Variants in RNLS observed in about 807,000 individuals in gnomAD.
The protein encoded by RNLS is renalase.
A neutral mutation model predicts 39.8 loss-of-function variants in RNLS; 39 were observed. That is an observed-to-expected ratio of 0.98 (90% CI 0.76 to 1.28). RNLS has a LOEUF of 1.28. Ranked by LOEUF, RNLS falls within the 50% of genes most tolerant of loss-of-function variation. RNLS has a pLI of 0.00. For synonymous variants in RNLS, 147 were observed against 150.7 expected, an observed-to-expected ratio of 0.98 and a Z score of 0.18; for missense variants, 410 against 413.3, an observed-to-expected ratio of 0.99 and a Z score of 0.07.
At chr10:88,434,027 T>G (rs1273401870) in intron 4 of RNLS, among the ~76,000 whole-genome samples, 1 of 152,144 alleles carries the variant, frequency 6.6e-6, no homozygotes. Flanking sequence ...TTGAATAGAT[T>G]CTTTAGTAAG....
chr10:88,381,844 T>TC (rs906797121), intron 4 of RNLS, among the ~76,000 whole-genome samples: 12 of 151,934 alleles, frequency 7.9e-5, no homozygotes, highest in African/African-American at 2.9e-4. Flanking sequence ...TTTTTTTATA[T>TC]CCCCCCAGCT....
downstream of RNLS, among the ~76,000 whole-genome samples, chr10:88,269,108 A>G (rs974125536): frequency 2.0e-5 from 3 of 152,252 alleles, no homozygotes; most frequent in African/African-American, 4.8e-5. Flanking sequence ...GTGAAACTCA[A>G]AGAGACATAT....
intron 4 of RNLS, among the ~76,000 whole-genome samples, chr10:88,554,669 T>C (rs1564895455): frequency 6.6e-6 from 1 of 152,026 alleles, no homozygotes; most frequent in South Asian, 2.1e-4. Context: ...TCTATCTGTG[T>C]TGATGTGCTC....
intron 5 of RNLS, among the ~76,000 whole-genome samples, chr10:88,320,912 G>T (rs989360918): frequency 4.0e-5 from 6 of 148,468 alleles, no homozygotes; most frequent in Non-Finnish European, 4.5e-5. Flanking sequence ...AAACAACAAA[G>T]AAAATCTGGA....
At chr10:88,216,566 T>C in the RNLS span, among the ~76,000 whole-genome samples, 1 of 152,188 alleles carries the variant, frequency 6.6e-6, no homozygotes, top group Non-Finnish European at 1.5e-5. Flanking sequence ...ATGACACTTA[T>C]TGGATTGGCT....
the RNLS span, among the ~76,000 whole-genome samples, chr10:88,215,739 A>G: frequency 9.8e-6 from 1 of 102,254 alleles, no homozygotes; most frequent in Admixed American, 1.4e-4. Context: ...TGCTCTTGTT[A>G]CCTGGGCTGG....
At chr10:88,548,694 T>C (rs930727481) in intron 4 of RNLS, among the ~76,000 whole-genome samples, 3 of 147,946 alleles carry the variant, frequency 2.0e-5, no homozygotes, top group Admixed American at 6.8e-5. Flanking sequence ...TTATATATAA[T>C]ATATATTATA....
In RNLS at chr10:88,583,296, C is replaced by T; in HGVS notation, c.-106G>A. ...GGCGCTAGCGCTCTTTGGTTCCGTG[C>T]TCCCTGGGCCGACCTGGGCCCTGAG... On this transcript the variant is annotated 5_prime_UTR_variant, in exon 1 of 7. Coordinates refer to ENST00000331772, the MANE Select transcript of RNLS (RefSeq NM_001031709.3). 1.3e-6 allele frequency: 2 copies of T among 1,509,594 alleles called. No homozygotes were observed. The highest frequency in any genetic ancestry group is 1.8e-6 in the Non-Finnish European group (2 of 1,136,732). The allele number at this position is 1,509,594 out of a possible 1,614,324, so 93.5% of individuals were successfully genotyped here.
At chr10:88,214,294 C>T in the RNLS span, among the ~76,000 whole-genome samples, 1 of 152,108 alleles carries the variant, frequency 6.6e-6, no homozygotes, top group South Asian at 2.1e-4. Flanking sequence ...AGGCAAAGAG[C>T]CCTAGATACA....
chr10:88,503,393 GAAATAA>G (rs1341846862), intron 4 of RNLS, among the ~76,000 whole-genome samples: 1 of 151,876 alleles, frequency 6.6e-6, no homozygotes, highest in Non-Finnish European at 1.5e-5. Context: ...ATAGAAAACA[GAAATAA>G]AAATAAAAAT....
At chr10:88,257,571 C>A in the RNLS span, among the ~76,000 whole-genome samples, 22 of 152,220 alleles carry the variant, frequency 1.4e-4, no homozygotes, top group East Asian at 4.3e-3. Context: ...GGGAACAAAC[C>A]AAACTCAGTC....
chr10:88,583,091 C>A lies in RNLS; in HGVS notation c.100G>T (p.Asp34Tyr), dbSNP rs773555002. The A allele has an allele frequency of 1.9e-6, 3 of 1,613,934 alleles. No homozygotes were observed. Among genetic ancestry groups the A allele is most frequent in the Non-Finnish European group, 2.5e-6 (3 of 1,179,904 alleles). ...AACCCACCTGAGTCCTCAGCCTTGT[C>A]CCACACAGCAAGGTACAAGGGACCG... The part of the protein sequence containing the change: ...TSGPLYLAVW[D>Y]KAEDSGGRMT... The change falls in exon 1 of 7, where the codon GAC (aspartate) becomes TAC (tyrosine). Residue 34 changes from aspartate to tyrosine, a missense_variant. Asp to Tyr is a radical substitution (Grantham distance 160, BLOSUM62 -3). Coordinates refer to ENST00000331772, the MANE Select transcript of RNLS (RefSeq NM_001031709.3).
chr10:88,559,662 C>CTCATTCATTCATTCATTCAT (rs3033889), intron 4 of RNLS, among the ~76,000 whole-genome samples: 12,110 of 151,124 alleles, frequency 0.08, 614 homozygotes, highest in Admixed American at 0.15. Context: ...GATTGTTTCA[C>CTCATTCATTCATTCATTCAT]TCATTCATTC....
At chr10:88,511,597 C>G (rs1435383433) in intron 4 of RNLS, among the ~76,000 whole-genome samples, 1 of 151,940 alleles carries the variant, frequency 6.6e-6, no homozygotes, top group African/African-American at 2.4e-5. Flanking sequence ...GGATTGAGTC[C>G]TGGGTTATGC....
chr10:88,516,387 C>T (rs750220919), intron 4 of RNLS, among the ~76,000 whole-genome samples: 4 of 151,914 alleles, frequency 2.6e-5, no homozygotes, highest in Non-Finnish European at 4.4e-5. Flanking sequence ...TAAACTAAAA[C>T]CTTTGTTCTT....
chr10:88,576,881 G>A (rs1850242457), intron 3 of RNLS, among the ~76,000 whole-genome samples: 1 of 152,096 alleles, frequency 6.6e-6, no homozygotes, highest in South Asian at 2.1e-4. Context: ...TGGATCGCTA[G>A]CCAATGTCCT....
chr10:88,345,002 A>G (rs1277648626), intron 5 of RNLS, among the ~76,000 whole-genome samples: 1 of 152,120 alleles, frequency 6.6e-6, no homozygotes, highest in Non-Finnish European at 1.5e-5. Context: ...TGTAGGGGCA[A>G]TGACAATTAA....
chr10:88,293,444 T>TGA (rs1843827095), intron 6 of RNLS, among the ~76,000 whole-genome samples: 1 of 152,186 alleles, frequency 6.6e-6, no homozygotes, highest in South Asian at 2.1e-4. Flanking sequence ...AAGGTAGTTT[T>TGA]TCCCAAAAGG....
At chr10:88,555,126 A>T (rs989437961) in intron 4 of RNLS, among the ~76,000 whole-genome samples, 1 of 152,114 alleles carries the variant, frequency 6.6e-6, no homozygotes, top group Non-Finnish European at 1.5e-5. Context: ...AGAGGGGAGG[A>T]TTAGAAAAAA....
Sources: allele counts gnomAD v4.1 joint callset (sites outside exome capture counted in the v4.1 genomes callset), GRCh38; gene constraint gnomAD v4.1.1; transcripts MANE v1.5; gene names NCBI Gene and HGNC (gene_info 2026-07-23, HGNC 2026-07-21).